Variants in SMIM36 observed in about 807,000 individuals in gnomAD.
SMIM36 encodes small integral membrane protein 36.
chr17:55,532,045 C>A, the SMIM36 span, among the ~76,000 whole-genome samples: 2 of 152,110 alleles, frequency 1.3e-5, no homozygotes, highest in Non-Finnish European at 2.9e-5. Context: ...ATATTGCTAT[C>A]GAAAAGTCTC....
At chr17:55,457,940 C>T (rs1382216378) in intron 4 of SMIM36, among the ~76,000 whole-genome samples, 1 of 152,182 alleles carries the variant, frequency 6.6e-6, no homozygotes, top group African/African-American at 2.4e-5. Context: ...GATGCCTGTT[C>T]TTGAGATTAG....
chr17:55,501,377 TTATAGAATATAA>T (rs1567871153), intron 1 of SMIM36, among the ~76,000 whole-genome samples: 9 of 82,816 alleles, frequency 1.1e-4, no homozygotes, highest in African/African-American at 4.7e-4. Context: ...ATATTATATA[TTATAGAATATAA>T]TATATTATAT....
chr17:55,483,500 G>GAGACCAA (rs1909553669), intron 1 of SMIM36, among the ~76,000 whole-genome samples: 1 of 152,072 alleles, frequency 6.6e-6, no homozygotes, highest in South Asian at 2.1e-4. Context: ...CATGTGGGTG[G>GAGACCAA]GCCTCCTCTA....
At chr17:55,519,188 G>T in the SMIM36 span, among the ~76,000 whole-genome samples, 1 of 152,174 alleles carries the variant, frequency 6.6e-6, no homozygotes, top group African/African-American at 2.4e-5. Flanking sequence ...GGGTTGTCAT[G>T]AATTTAAATT....
chr17:55,463,670 A>G (rs1372127439), intron 4 of SMIM36, among the ~76,000 whole-genome samples: 3 of 152,196 alleles, frequency 2.0e-5, no homozygotes, highest in African/African-American at 7.2e-5. Flanking sequence ...GACAAATATA[A>G]TAGGAGAATG....
At chr17:55,487,802 T>G (rs1881213107) in intron 1 of SMIM36, among the ~76,000 whole-genome samples, 1 of 152,116 alleles carries the variant, frequency 6.6e-6, no homozygotes, top group Non-Finnish European at 1.5e-5. Flanking sequence ...GTTCCTTTCT[T>G]CCTTGAGAAA....
At chr17:55,523,195 G>A in the SMIM36 span, among the ~76,000 whole-genome samples, 1 of 152,106 alleles carries the variant, frequency 6.6e-6, no homozygotes, top group African/African-American at 2.4e-5. Flanking sequence ...GAGGAAATGA[G>A]ACCACACAGG....
chr17:55,481,769 C>T (rs1230910158), intron 1 of SMIM36, among the ~76,000 whole-genome samples: 1 of 152,138 alleles, frequency 6.6e-6, no homozygotes, highest in Non-Finnish European at 1.5e-5. Flanking sequence ...TCTTGGCTCA[C>T]TGCAGCCTCA....
chr17:55,452,516 G>A (rs1871873913), intron 4 of SMIM36, among the ~76,000 whole-genome samples: 2 of 152,190 alleles, frequency 1.3e-5, no homozygotes, highest in South Asian at 4.1e-4. Context: ...TTAGAGTGGA[G>A]CAAGTTCTCA....
At chr17:55,476,246 T>G (rs1416232568) in intron 3 of SMIM36, among the ~76,000 whole-genome samples, 2 of 152,142 alleles carry the variant, frequency 1.3e-5, no homozygotes, top group African/African-American at 4.8e-5. Context: ...TCACCCTAAC[T>G]GATCAACTGA....
At chr17:55,515,126 A>G (rs891706225), upstream of SMIM36, among the ~76,000 whole-genome samples, 5 of 116,838 alleles carry the variant, frequency 4.3e-5, no homozygotes, top group African/African-American at 1.5e-4. Flanking sequence ...CGCTGGAACT[A>G]TTGACTAGAT....
At position 55,470,716 on chromosome 17, in the gene SMIM36, T is replaced by A. The variant is rs1246821789; in HGVS notation, c.*348-3388A>T. ...CTATTTTGCATCCTCCCCTTGTGTC[T>A]CCCTACCTTAATCCGCAAGTATGGG... On this transcript the variant is annotated intron_variant, in intron 3 of 4. Coordinates refer to ENST00000636752, the Ensembl canonical transcript of SMIM36. Among the ~76,000 whole-genome samples the A allele has an allele frequency of 1.3e-5, 2 of 152,078 alleles. 1 individual carries two copies. The highest frequency in any genetic ancestry group is 3.9e-4 in the East Asian group (2 of 5,176).
the SMIM36 span, among the ~76,000 whole-genome samples, chr17:55,528,291 T>C: frequency 6.6e-6 from 1 of 152,232 alleles, no homozygotes; most frequent in African/African-American, 2.4e-5. Flanking sequence ...GATTATTTAC[T>C]AACCAGGATA....
At chr17:55,523,013 A>G in the SMIM36 span, among the ~76,000 whole-genome samples, 2 of 152,200 alleles carry the variant, frequency 1.3e-5, no homozygotes, top group Admixed American at 6.5e-5. Flanking sequence ...GCAGGGGATT[A>G]GAGAAATATT....
At chr17:55,451,156 A>G (rs1908908994) in intron 4 of SMIM36, among the ~76,000 whole-genome samples, 1 of 152,218 alleles carries the variant, frequency 6.6e-6, no homozygotes, top group South Asian at 2.1e-4. Context: ...AAGTGCTGGG[A>G]TTACAGGTGT....
chr17:55,510,940 T>G, exon 1 of SMIM36: 1 of 396,720 alleles, frequency 2.5e-6, no homozygotes, highest in Non-Finnish European at 4.4e-6. Flanking sequence ...GACAGAGCTC[T>G]CACTTCCTTC....
chr17:55,471,969 G>A (rs757624888), intron 3 of SMIM36, among the ~76,000 whole-genome samples: 6 of 151,986 alleles, frequency 3.9e-5, no homozygotes, highest in Admixed American at 2.0e-4. Flanking sequence ...TATCCTCATC[G>A]CACCTGTCAT....
chr17:55,487,257 C>T (rs928143844), intron 1 of SMIM36, among the ~76,000 whole-genome samples: 3 of 152,030 alleles, frequency 2.0e-5, no homozygotes, highest in East Asian at 1.9e-4. Flanking sequence ...ATGTAAATGA[C>T]GAATTAATGG....
chr17:55,483,590 G>A (rs1288386056), intron 1 of SMIM36, among the ~76,000 whole-genome samples: 9 of 152,104 alleles, frequency 5.9e-5, no homozygotes. Context: ...CTCTCCTCTG[G>A]GTTTCTAGTC....
Sources: gnomAD v4.1 joint callset for allele counts (sites outside exome capture counted in the v4.1 genomes callset) on GRCh38, gnomAD v4.1.1 for gene constraint, MANE v1.5 for transcripts, NCBI Gene and HGNC (gene_info 2026-07-23, HGNC 2026-07-21) for gene names.